Variants in PCDH9 observed in about 807,000 individuals in gnomAD.
PCDH9 encodes the protein protocadherin-9.
In PCDH9, 24 loss-of-function variants were observed where a neutral mutation model predicts 70.6. That is an observed-to-expected ratio of 0.34 (90% confidence interval 0.25 to 0.48). The LOEUF is 0.48. Ranked by LOEUF, PCDH9 falls within the 20% of genes least tolerant of loss-of-function variation. PCDH9 has a pLI of 0.99. For synonymous variants in PCDH9, 562 were observed against 558.5 expected, an observed-to-expected ratio of 1.01 and a Z score of -0.09; for missense variants, 1,281 against 1,503.6, an observed-to-expected ratio of 0.85 and a Z score of 2.45.
intron 2 of PCDH9, among the ~76,000 whole-genome samples, chr13:67,184,787 T>A (rs904728138): frequency 2.0e-5 from 3 of 152,116 alleles, no homozygotes; most frequent in Admixed American, 2.0e-4. Flanking sequence ...TATTGATGTA[T>A]TGGATCTTAG....
At chr13:66,879,770 C>T (rs530775764) in intron 3 of PCDH9, among the ~76,000 whole-genome samples, 12 of 151,784 alleles carry the variant, frequency 7.9e-5, no homozygotes, top group Non-Finnish European at 1.6e-4. Context: ...ATTTGTAAGA[C>T]AACACAACAA....
chr13:66,397,781 C>G (rs1026030552), intron 4 of PCDH9, among the ~76,000 whole-genome samples: 3 of 151,820 alleles, frequency 2.0e-5, no homozygotes, highest in African/African-American at 7.3e-5. Flanking sequence ...TCAGCATCAT[C>G]TTTTATTCTC....
chr13:66,825,430 G>A (rs1290051922), intron 3 of PCDH9, among the ~76,000 whole-genome samples: 8 of 133,134 alleles, frequency 6.0e-5, no homozygotes, highest in Non-Finnish European at 9.2e-5. Flanking sequence ...TCCGCCTCCC[G>A]GGTTCACGCC....
At chr13:67,083,490 A>AAC (rs2086028769) in intron 2 of PCDH9, among the ~76,000 whole-genome samples, 1 of 152,200 alleles carries the variant, frequency 6.6e-6, no homozygotes, top group South Asian at 2.1e-4. Context: ...TTAATGTATA[A>AAC]ACAGAGAATT....
intron 2 of PCDH9, among the ~76,000 whole-genome samples, chr13:67,191,840 G>T (rs1349079465): frequency 1.3e-5 from 2 of 152,078 alleles, no homozygotes. Context: ...GAAAGAAATT[G>T]AACTAACTCA....
At chr13:67,100,957 T>G (rs532709058) in intron 2 of PCDH9, among the ~76,000 whole-genome samples, 1 of 152,262 alleles carries the variant, frequency 6.6e-6, no homozygotes, top group East Asian at 1.9e-4. Context: ...GCAAAGTGAC[T>G]CACAAATGGA....
intron 4 of PCDH9, among the ~76,000 whole-genome samples, chr13:66,401,112 G>T (rs1465756572): frequency 2.0e-5 from 3 of 152,174 alleles, no homozygotes; most frequent in Admixed American, 6.5e-5. Flanking sequence ...GATTATGCTG[G>T]TTTAATCTTA....
At chr13:66,395,325 G>A (rs770546828) in intron 4 of PCDH9, among the ~76,000 whole-genome samples, 3 of 152,106 alleles carry the variant, frequency 2.0e-5, no homozygotes, top group African/African-American at 4.8e-5. Context: ...GAGTTTGGCC[G>A]GGCGTGGTGG....
intron 3 of PCDH9, among the ~76,000 whole-genome samples, chr13:66,764,263 A>C (rs2079675240): frequency 6.6e-6 from 1 of 151,894 alleles, no homozygotes; most frequent in Non-Finnish European, 1.5e-5. Flanking sequence ...AAAAAAAAAA[A>C]ACCGAAAACT....
intron 3 of PCDH9, among the ~76,000 whole-genome samples, chr13:66,871,430 T>TTA (rs2081683378): frequency 6.6e-6 from 1 of 150,552 alleles, no homozygotes; most frequent in Admixed American, 6.6e-5. Context: ...TAAATAAAAT[T>TTA]AAAAAAAATC....
chr13:67,107,481 C>T (rs2138258501), intron 2 of PCDH9, among the ~76,000 whole-genome samples: 1 of 152,294 alleles, frequency 6.6e-6, no homozygotes, highest in East Asian at 1.9e-4. Flanking sequence ...GGCCTCCTCT[C>T]CACTGAGGGC....
intron 4 of PCDH9, among the ~76,000 whole-genome samples, chr13:66,454,903 C>A (rs1958287816): frequency 1.3e-5 from 2 of 152,098 alleles, no homozygotes; most frequent in South Asian, 4.1e-4. Flanking sequence ...CGCCACCACA[C>A]CTGGCAAAAA....
chr13:66,985,968 T>C (rs1024875245), intron 2 of PCDH9, among the ~76,000 whole-genome samples: 3 of 152,024 alleles, frequency 2.0e-5, no homozygotes, highest in Admixed American at 6.6e-5. Context: ...AATGAATACA[T>C]TGTCTATTTT....
At chr13:66,981,301 G>A (rs2083761974) in intron 2 of PCDH9, among the ~76,000 whole-genome samples, 1 of 151,966 alleles carries the variant, frequency 6.6e-6, no homozygotes, top group African/African-American at 2.4e-5. Flanking sequence ...AGCCGGGCGT[G>A]GTGGCAGGAG....
At chr13:67,159,191 G>C (rs1478630970) in intron 2 of PCDH9, among the ~76,000 whole-genome samples, 1 of 152,186 alleles carries the variant, frequency 6.6e-6, no homozygotes, top group Non-Finnish European at 1.5e-5. Flanking sequence ...CTCTAGGCAA[G>C]AGGGTTGCCC....
chr13:66,410,675 G>C (rs187420170), intron 4 of PCDH9, among the ~76,000 whole-genome samples: 120 of 152,330 alleles, frequency 7.9e-4, no homozygotes, highest in African/African-American at 2.7e-3. Flanking sequence ...TGAGGAAAGT[G>C]AGAAGCTGAA....
In PCDH9 at chr13:66,649,347, T is replaced by C. The variant is rs142416775; in HGVS notation, c.3139-17936A>G. On this transcript the variant is annotated intron_variant, in intron 3 of 4. Coordinates refer to ENST00000377865, the MANE Select transcript of PCDH9 (RefSeq NM_203487.3). ...AAAGTATGAGACAATGGAGCTCCAA[T>C]ACATCTGGCAAAAGACTCTTCAGTG... Among the ~76,000 whole-genome samples, 679 of 151,968 alleles carry C rather than the reference T, an allele frequency of 4.5e-3. 2 individuals carry two copies. The highest frequency in any genetic ancestry group is 0.016 in the African/African-American group (657 of 41,462).
chr13:67,094,369 C>T (rs1160141733), intron 2 of PCDH9, among the ~76,000 whole-genome samples: 1 of 152,160 alleles, frequency 6.6e-6, no homozygotes, highest in Non-Finnish European at 1.5e-5. Flanking sequence ...TGTAGCTTAA[C>T]ACTATGTAGG....
intron 4 of PCDH9, among the ~76,000 whole-genome samples, chr13:66,567,269 G>A (rs573040843): frequency 5.7e-4 from 87 of 152,186 alleles, no homozygotes; most frequent in African/African-American, 2.0e-3. Context: ...GTTCTAATTA[G>A]GGAGGAAAAG....
Sources: allele counts gnomAD v4.1 joint callset (sites outside exome capture counted in the v4.1 genomes callset), GRCh38; gene constraint gnomAD v4.1.1; transcripts MANE v1.5; gene names NCBI Gene and HGNC (gene_info 2026-07-23, HGNC 2026-07-21).